CACNG7: variants seen among roughly 807,000 people sequenced by gnomAD.
CACNG7 encodes the protein calcium voltage-gated channel auxiliary subunit gamma 7.
In CACNG7, 9 loss-of-function variants were observed where a neutral mutation model predicts 26.3. The observed-to-expected ratio is 0.34, with a 90% CI of 0.21 to 0.60. The LOEUF (loss-of-function observed/expected upper bound fraction) is 0.60. Among genes scored for constraint, CACNG7 ranks in the 20% least tolerant of loss-of-function variants. CACNG7 has a pLI of 0.81. For synonymous variants in CACNG7, 170 were observed against 157.0 expected, an observed-to-expected ratio of 1.08 and a Z score of -0.62; for missense variants, 297 against 380.4, an observed-to-expected ratio of 0.78 and a Z score of 1.82.
chr19:53,924,393 C>T (rs2069002939), intron 4 of CACNG7, among the ~76,000 whole-genome samples: 1 of 147,282 alleles, frequency 6.8e-6, no homozygotes, highest in Non-Finnish European at 1.5e-5. Flanking sequence ...TGGAGTTGTC[C>T]CCAGGCCTGG....
intron 4 of CACNG7, among the ~76,000 whole-genome samples, chr19:53,916,487 C>CTTTT (rs397706471): frequency 0.02 from 1,883 of 95,354 alleles, 198 homozygotes; most frequent in African/African-American, 0.077. Context: ...TTCTTTCTTT[C>CTTTT]TTTTTTTTTT....
At chr19:53,925,791 C>G (rs566836617) in intron 4 of CACNG7, among the ~76,000 whole-genome samples, 2 of 152,192 alleles carry the variant, frequency 1.3e-5, no homozygotes, top group African/African-American at 4.8e-5. Context: ...GTGGCCCAGG[C>G]CGTAGCAGAT....
chr19:53,942,357 A>G lies in CACNG7; in HGVS notation c.*64A>G, dbSNP rs1176238832. The G allele has an allele frequency of 6.5e-7, 1 of 1,548,680 alleles. No homozygotes were observed. Among genetic ancestry groups the G allele is most frequent in the Non-Finnish European group, 8.7e-7 (1 of 1,148,374 alleles). On this transcript the variant is annotated 3_prime_UTR_variant, in exon 6 of 6. Transcript: ENST00000391767. The surrounding 1 kb of genome is among the most constrained non-coding windows in gnomAD (Gnocchi z 5.9). ...CTCGTCTTAGGGGGGTCTCCCTGCA[A>G]TGCAGCGCCCCCTTCCGTCCTCGGG...
intron 4 of CACNG7, among the ~76,000 whole-genome samples, chr19:53,924,120 C>T (rs1250387630): frequency 6.9e-5 from 10 of 145,494 alleles, no homozygotes; most frequent in Non-Finnish European, 5.9e-5. Flanking sequence ...GTGGACTTGC[C>T]CCAGGTCTGG....
At chr19:53,915,892 C>T (rs978297587) in intron 4 of CACNG7, among the ~76,000 whole-genome samples, 6 of 152,170 alleles carry the variant, frequency 3.9e-5, no homozygotes, top group African/African-American at 7.2e-5. Flanking sequence ...AATTCGCCTC[C>T]GGAGGCTGTA....
At chr19:53,921,546 G>A (rs1270013471) in intron 4 of CACNG7, among the ~76,000 whole-genome samples, 2 of 143,616 alleles carry the variant, frequency 1.4e-5, no homozygotes, top group Admixed American at 6.7e-5. Context: ...GGTCATTGGT[G>A]GAGTTGCCCC....
chr19:53,912,651 T>C lies in CACNG7; in HGVS notation c.-29-152T>C, dbSNP rs2068868019. ...GGTGTCTCTGGTCAGACTCTAGGGT[T>C]GGGGTCATGGGTCAGGCCACGGAGG... On this transcript the variant is annotated intron_variant, in intron 1 of 5. Coordinates refer to ENST00000391767, the MANE Select transcript of CACNG7 (RefSeq NM_031896.5). The surrounding 1 kb of genome is among the most constrained non-coding windows in gnomAD (Gnocchi z 4.6). 2 of 605,628 alleles carry C rather than the reference T, an allele frequency of 3.3e-6. No homozygotes were observed. Among genetic ancestry groups the C allele is most frequent in the East Asian group, 5.6e-5 (2 of 35,440 alleles). 37.5% of individuals were successfully genotyped at this position (605,628 alleles called of 1,614,324 possible).
At chr19:53,928,070 AG>A (rs1203234940) in intron 4 of CACNG7, among the ~76,000 whole-genome samples, 1 of 116,626 alleles carries the variant, frequency 8.6e-6, no homozygotes, top group South Asian at 2.8e-4. Context: ...GGAGGAAGGG[AG>A]GGGAGAAAAA....
intron 2 of CACNG7, among the ~76,000 whole-genome samples, chr19:53,913,942 C>T (rs547436875): frequency 6.6e-6 from 1 of 152,026 alleles, no homozygotes; most frequent in Admixed American, 6.6e-5. Flanking sequence ...GAGTTCCAGC[C>T]TTGTCCTCCT....
At chr19:53,914,463 C>CCTCT (rs778149960) in intron 2 of CACNG7, 37 bp from the exon 3 acceptor site, 2 of 1,583,138 alleles carry the variant, frequency 1.3e-6, no homozygotes, top group Admixed American at 3.4e-5. Context: ...AGCTTAGGAG[C>CCTCT]CTCTCATCCA....
intron 4 of CACNG7, among the ~76,000 whole-genome samples, chr19:53,936,891 G>A (rs531857298): frequency 6.6e-6 from 1 of 151,956 alleles, no homozygotes; most frequent in Non-Finnish European, 1.5e-5. Flanking sequence ...TTATAGGCAT[G>A]AGCCACCGTG....
intron 4 of CACNG7, among the ~76,000 whole-genome samples, chr19:53,928,852 T>C (rs1041765285): frequency 6.6e-6 from 1 of 152,040 alleles, no homozygotes; most frequent in African/African-American, 2.4e-5. Context: ...AGCTCACGCC[T>C]GTAATCCCAG....
At chr19:53,941,981 G>C (rs2069140137) in intron 5 of CACNG7, 55 bp from the exon 6 acceptor site, 2 of 1,511,472 alleles carry the variant, frequency 1.3e-6, no homozygotes, top group East Asian at 2.4e-5. Context: ...GATGAGTCGG[G>C]GTCCGGGGAT....
intron 4 of CACNG7, among the ~76,000 whole-genome samples, chr19:53,922,406 TC>T (rs2068968189): frequency 8.4e-6 from 1 of 118,780 alleles, no homozygotes; most frequent in African/African-American, 3.7e-5. Flanking sequence ...CCAGGCCTGG[TC>T]ATTGGTGGAG....
intron 4 of CACNG7, among the ~76,000 whole-genome samples, chr19:53,926,236 C>T (rs1302010985): frequency 3.3e-5 from 5 of 152,274 alleles, no homozygotes; most frequent in South Asian, 2.1e-4. Context: ...TGTCCTCCAA[C>T]GTCTTCTATG....
chr19:53,928,201 G>A (rs1429426337), intron 4 of CACNG7, among the ~76,000 whole-genome samples: 4 of 152,028 alleles, frequency 2.6e-5, no homozygotes, highest in Non-Finnish European at 4.4e-5. Context: ...TCTCTTCCTC[G>A]GTGGAAATAT....
intron 4 of CACNG7, among the ~76,000 whole-genome samples, chr19:53,930,917 C>T (rs569124287): frequency 6.6e-6 from 1 of 152,272 alleles, no homozygotes; most frequent in East Asian, 1.9e-4. Context: ...AGTATGCATC[C>T]TTTAAGGCTA....
intron 4 of CACNG7, among the ~76,000 whole-genome samples, chr19:53,924,271 T>G (rs2069000588): frequency 7.4e-6 from 1 of 135,668 alleles, no homozygotes; most frequent in Non-Finnish European, 1.5e-5. Context: ...GTCTGGTCAT[T>G]GGTGGACTTT....
At chr19:53,935,722 C>A (rs983936494) in intron 4 of CACNG7, among the ~76,000 whole-genome samples, 7 of 144,460 alleles carry the variant, frequency 4.8e-5, no homozygotes, top group Non-Finnish European at 1.0e-4. Context: ...TCACTGCAAC[C>A]TTCTGCCTCC....
Sources: allele counts gnomAD v4.1 joint callset (sites outside exome capture counted in the v4.1 genomes callset), GRCh38; gene constraint gnomAD v4.1.1; non-coding constraint Gnocchi (gnomAD v3.1); transcripts MANE v1.5; gene names NCBI Gene and HGNC (gene_info 2026-07-23, HGNC 2026-07-21).